Variants in AGO3 observed in about 807,000 individuals in gnomAD.
AGO3 encodes the protein argonaute RISC catalytic component 3.
AGO3 carries 16 observed loss-of-function variants against 105.5 expected under a neutral mutation model. The observed-to-expected ratio is 0.15, with a 90% CI of 0.10 to 0.23. The LOEUF is 0.23. Among genes scored for constraint, AGO3 ranks in the 10% least tolerant of loss-of-function variants. The pLI, the probability that AGO3 is intolerant of heterozygous loss-of-function variation, is 1.00. For synonymous variants in AGO3, 340 were observed against 367.3 expected, an observed-to-expected ratio of 0.93 and a Z score of 0.85; for missense variants, 534 against 1,088.0, an observed-to-expected ratio of 0.49 and a Z score of 7.16.
intron 1 of AGO3, among the ~76,000 whole-genome samples, chr1:35,934,861 A>G (rs559853253): frequency 1.3e-5 from 2 of 152,294 alleles, no homozygotes; most frequent in South Asian, 2.1e-4. Flanking sequence ...CATGTTGGCC[A>G]GGCTGGTCTT....
intron 6 of AGO3, among the ~76,000 whole-genome samples, chr1:36,006,770 G>A (rs1431134343): frequency 2.0e-5 from 3 of 152,162 alleles, no homozygotes; most frequent in Non-Finnish European, 4.4e-5. Flanking sequence ...TCAAGGAGGA[G>A]CACTTCCAAA....
At position 36,043,228 on chromosome 1, in the gene AGO3, G is replaced by A. The variant is rs907262264; in HGVS notation, c.2173-219G>A. 10 of 524,090 alleles carry A rather than the reference G, an allele frequency of 1.9e-5. No individual in the cohort carries two copies. The African/African-American group carries it at 2.0e-4, about 10-fold the overall frequency. 32.5% of individuals were successfully genotyped at this position (524,090 alleles called of 1,614,324 possible). ...TATCAGCTAAGCAGTAGTAGAGACT[G>A]TATTAGGTTTTGTTGTGTATCAGCG... On this transcript the variant is annotated intron_variant, in intron 16 of 18. Transcript: ENST00000373191.
intron 17 of AGO3, among the ~76,000 whole-genome samples, chr1:36,050,832 C>CGTTTT (rs113654282): frequency 0.024 from 3,443 of 146,236 alleles, 64 homozygotes; most frequent in African/African-American, 0.041. Context: ...TGATTTCTTT[C>CGTTTT]GTTTTGTTTT....
intron 11 of AGO3, among the ~76,000 whole-genome samples, chr1:36,023,792 A>T (rs1454258787): frequency 2.0e-5 from 3 of 152,134 alleles, no homozygotes; most frequent in African/African-American, 4.8e-5. Flanking sequence ...ATTAACTAAG[A>T]TCCTTATTTT....
In AGO3 at chr1:36,055,239, A is replaced by G; in HGVS notation, c.2474+94A>G. 4 of 1,346,388 alleles carry G rather than the reference A, an allele frequency of 3.0e-6. No homozygotes were observed. The highest frequency in any genetic ancestry group is 3.1e-6 in the Non-Finnish European group (3 of 978,340). The allele number at this position is 1,346,388 out of a possible 1,614,324, so 83.4% of individuals were successfully genotyped here. A position where few individuals can be genotyped will look rare whatever the true frequency, so the allele number is the denominator to read the frequency against. The stretch of plus-strand genomic sequence containing the variant: ...CCACAAGCTATTAGCGGAGTCAGTG[A>G]TCCATGTGAAAAATGATGACAGAAC... On this transcript the variant is annotated intron_variant, in intron 18 of 18. Coordinates refer to ENST00000373191, the MANE Select transcript of AGO3 (RefSeq NM_024852.4). The surrounding 1 kb of genome is among the most constrained non-coding windows in gnomAD (Gnocchi z 4.4).
At chr1:36,053,228 C>T (rs1415120327) in intron 17 of AGO3, among the ~76,000 whole-genome samples, 3 of 151,492 alleles carry the variant, frequency 2.0e-5, no homozygotes, top group African/African-American at 4.8e-5. Flanking sequence ...TAATCAGAAA[C>T]CTTAGGGAAC....
intron 6 of AGO3, 92 bp downstream of exon 6, chr1:36,004,567 A>G (rs1320494569): frequency 2.6e-6 from 3 of 1,171,144 alleles, no homozygotes; most frequent in Non-Finnish European, 3.4e-6. Context: ...ATTAAAATCT[A>G]TGTAACATAA....
intron 11 of AGO3, among the ~76,000 whole-genome samples, 164 bp downstream of exon 11, chr1:36,014,212 G>A (rs1640765119): frequency 1.3e-5 from 2 of 151,388 alleles, no homozygotes; most frequent in African/African-American, 4.9e-5. Context: ...AGGCTGAAGT[G>A]TAGTGGCGTG....
chr1:36,014,163 AT>A (rs762002662), intron 11 of AGO3, 115 bp downstream of exon 11: 199,215 of 1,041,780 alleles, frequency 0.19, 14 homozygotes, highest in South Asian at 0.26. Flanking sequence ...TCACTGAACC[AT>A]TTTTTTTTTT....
intron 9 of AGO3, 51 bp downstream of exon 9, chr1:36,009,645 G>A (rs746126258): frequency 6.4e-7 from 1 of 1,553,830 alleles, no homozygotes; most frequent in Non-Finnish European, 8.7e-7. Flanking sequence ...AGGGTGAACT[G>A]TAATACTAGA....
At chr1:35,950,941 T>C (rs1400144564) in intron 2 of AGO3, among the ~76,000 whole-genome samples, 1 of 152,310 alleles carries the variant, frequency 6.6e-6, no homozygotes, top group African/African-American at 2.4e-5. Context: ...AGTAGTAGAT[T>C]GTGGTTGCAT....
chr1:36,051,617 G>A (rs913795035), intron 17 of AGO3, among the ~76,000 whole-genome samples: 4 of 152,052 alleles, frequency 2.6e-5, no homozygotes, highest in African/African-American at 9.7e-5. Flanking sequence ...CTACTCAGGA[G>A]GCAGAGGTGG....
intron 2 of AGO3, among the ~76,000 whole-genome samples, chr1:35,962,831 G>T (rs977014715): frequency 6.6e-5 from 10 of 152,072 alleles, no homozygotes; most frequent in African/African-American, 1.2e-4. Flanking sequence ...TTATCTTTTT[G>T]ACTTTGTATT....
chr1:35,960,963 A>C (rs900965089), intron 2 of AGO3, among the ~76,000 whole-genome samples: 31 of 144,268 alleles, frequency 2.1e-4, no homozygotes, highest in African/African-American at 7.7e-4. Context: ...TTTTTTTTTG[A>C]GATGGAGTCT....
rs757647702 is a variant in AGO3, at chr1:36,031,832, C to G, written c.1592-2342C>G. On this transcript the variant is annotated intron_variant, in intron 12 of 18. Transcript: ENST00000373191. The stretch of plus-strand genomic sequence containing the variant: ...ATCCTCAAGGTTCATCCATGTTGTA[C>G]TATATGTCAGAATTTTCTTCCTTTT... Among the ~76,000 whole-genome samples the G allele has an allele frequency of 9.8e-4, 143 of 146,118 alleles. 2 individuals carry two copies. The highest frequency in any genetic ancestry group is 2.5e-4 in the Non-Finnish European group (17 of 67,128).
intron 1 of AGO3, among the ~76,000 whole-genome samples, chr1:35,940,809 C>G (rs1306396983): frequency 1.3e-5 from 2 of 152,184 alleles, no homozygotes; most frequent in African/African-American, 4.8e-5. Context: ...CCACTCTCTC[C>G]AGGTCCTCCT....
chr1:36,050,785 C>CT (rs1399459508), intron 17 of AGO3, among the ~76,000 whole-genome samples: 1 of 126,638 alleles, frequency 7.9e-6, no homozygotes, highest in African/African-American at 3.3e-5. Context: ...GAGTGGGACT[C>CT]TATCTCAAAA....
rs1646037254 is a variant in AGO3 at position 35,931,161 on chromosome 1, G to C, written c.-266G>C. The C allele has an allele frequency of 7.6e-6, 3 of 397,102 alleles. No homozygotes were observed. The highest frequency in any genetic ancestry group is 1.2e-4 in the South Asian group (1 of 8,046). The allele number at this position is 397,102 out of a possible 1,614,324, so 24.6% of individuals were successfully genotyped here. The stretch of plus-strand genomic sequence containing the variant: ...GAGCGGTGGGAGCGTCGGCGGCCGC[G>C]GGCGATGCAACTTCCGGACGGGACT... On this transcript the variant is annotated 5_prime_UTR_variant, in exon 1 of 19. Transcript: ENST00000373191.
At chr1:36,015,298 TGGAGTTTAC>T (rs1640847865) in intron 11 of AGO3, among the ~76,000 whole-genome samples, 1 of 152,188 alleles carries the variant, frequency 6.6e-6, no homozygotes, top group African/African-American at 2.4e-5. Flanking sequence ...GGACGGAGTG[TGGAGTTTAC>T]ATGCCATCCC....
Sources: gnomAD v4.1 joint callset for allele counts (sites outside exome capture counted in the v4.1 genomes callset) on GRCh38, gnomAD v4.1.1 for gene constraint, Gnocchi (gnomAD v3.1) non-coding constraint, MANE v1.5 for transcripts, NCBI Gene and HGNC (gene_info 2026-07-23, HGNC 2026-07-21) for gene names.